Variants in LUZP1 observed in about 807,000 individuals in gnomAD.
The protein encoded by LUZP1 is leucine zipper protein 1, also known as filamin mechanobinding actin cross-linking protein.
In LUZP1, 25 loss-of-function variants were observed where a neutral mutation model predicts 71.3. That is an observed-to-expected ratio of 0.35 (90% confidence interval 0.26 to 0.49). The LOEUF (loss-of-function observed/expected upper bound fraction) is 0.49, where lower values mean the gene tolerates loss of function less well. LUZP1 is among the 20% of genes least tolerant of loss of function. The pLI is 0.99. For missense variants in LUZP1, 1,142 were observed against 1,300.8 expected (o/e 0.88, Z 1.88); for synonymous variants, 481 against 506.4 (o/e 0.95, Z 0.67).
exon 4 of LUZP1, chr1:23,091,854 C>T: frequency 6.2e-7 from 1 of 1,614,162 alleles, no homozygotes; most frequent in Non-Finnish European, 8.5e-7. Context: ...GGGGCTGCTG[C>T]TGTCAGATGG....
chr1:23,111,463 G>A (rs1335274107), intron 2 of LUZP1, among the ~76,000 whole-genome samples: 2 of 152,106 alleles, frequency 1.3e-5, no homozygotes, highest in African/African-American at 4.8e-5. Flanking sequence ...GGGAGACTGA[G>A]ACGGGAGGAT....
At chr1:23,120,893 C>T (rs1644124428) in intron 2 of LUZP1, among the ~76,000 whole-genome samples, 1 of 152,180 alleles carries the variant, frequency 6.6e-6, no homozygotes, top group Admixed American at 6.5e-5. Flanking sequence ...AACAAGAACA[C>T]CACCATCTCC....
At chr1:23,110,635 T>TAC (rs1553137224) in intron 2 of LUZP1, among the ~76,000 whole-genome samples, 4,557 of 41,852 alleles carry the variant, frequency 0.11, 228 homozygotes, top group Admixed American at 0.28. Flanking sequence ...CGCGCACACA[T>TAC]ACACACACAC....
intron 2 of LUZP1, among the ~76,000 whole-genome samples, chr1:23,151,643 A>AT (rs1644385760): frequency 6.6e-6 from 1 of 152,130 alleles, no homozygotes; most frequent in Non-Finnish European, 1.5e-5. Flanking sequence ...AACAGTACCT[A>AT]TTTCATGAGG....
At chr1:23,139,019 A>AAAAAAT (rs1317355746) in intron 2 of LUZP1, among the ~76,000 whole-genome samples, 94 of 59,938 alleles carry the variant, frequency 1.6e-3, no homozygotes, top group African/African-American at 1.8e-3. Flanking sequence ...AAAAAAAAAA[A>AAAAAAT]ATATATATAT....
chr1:23,115,321 CAA>C lies in LUZP1; in HGVS notation c.-225-6196_-225-6195del, dbSNP rs560850809. 3.9e-5 allele frequency among the ~76,000 whole-genome samples: 6 copies of C among 152,244 alleles called. 1 individual carries two copies. The South Asian group carries it at 1.2e-3, about 32-fold the overall frequency. On this transcript the variant is annotated intron_variant, in intron 2 of 4. Coordinates refer to ENST00000302291, the Ensembl canonical transcript of LUZP1. ...ACCTTTTTAGGAAGCTAGTAACAGACAAACAAAACTAGAATCCAGCAATCCCA... is the reference window on the plus strand; with the variant it reads ...ACCTTTTTAGGAAGCTAGTAACAGACACAAAACTAGAATCCAGCAATCCCA...
At chr1:23,143,792 C>G (rs1644323070) in intron 2 of LUZP1, among the ~76,000 whole-genome samples, 5 of 152,170 alleles carry the variant, frequency 3.3e-5, no homozygotes, top group Admixed American at 3.3e-4. Flanking sequence ...CTTCAAACAA[C>G]CCTAAGAACT....
chr1:23,158,035 T>G (rs547142977), intron 2 of LUZP1, among the ~76,000 whole-genome samples: 2 of 152,054 alleles, frequency 1.3e-5, no homozygotes. Context: ...GCAGTCATAA[T>G]ACCTTACAGT....
At chr1:23,102,902 TATTTC>T (rs765987707) in intron 3 of LUZP1, among the ~76,000 whole-genome samples, 19 of 152,320 alleles carry the variant, frequency 1.2e-4, no homozygotes, top group South Asian at 6.2e-4. Flanking sequence ...TTTTATTTTA[TATTTC>T]ATTTCATTTC....
At chr1:23,136,893 G>T (rs749097312) in intron 2 of LUZP1, among the ~76,000 whole-genome samples, 2 of 152,210 alleles carry the variant, frequency 1.3e-5, no homozygotes, top group African/African-American at 4.8e-5. Context: ...ACTCCAGCCT[G>T]GGCGACAGAG....
At position 23,093,936 on chromosome 1, in the gene LUZP1, T is replaced by C. The variant is rs768518468; in HGVS notation, c.326A>G (p.Glu109Gly). Reference sequence around the variant, plus strand: ...CATTCGTTTCTGAAGCCGCTCAATCTCAGATTTCAGCTCCCGGGTGAGGTT... The same window carrying C: ...CATTCGTTTCTGAAGCCGCTCAATCCCAGATTTCAGCTCCCGGGTGAGGTT... Residue 109 changes from glutamate to glycine, a missense_variant, in exon 4 of 5, where the codon GAG becomes GGG. Transcript: ENST00000302291. This position sits in a 1 kb window ranked among gnomAD's most constrained non-coding sequence, Gnocchi z 4.2. The C allele has an allele frequency of 6.2e-7, 1 of 1,614,220 alleles. No homozygotes were observed. The highest frequency in any genetic ancestry group is 1.6e-4 in the Middle Eastern group (1 of 6,062).
chr1:23,118,876 G>A (rs1384321142), intron 2 of LUZP1, among the ~76,000 whole-genome samples: 1 of 152,148 alleles, frequency 6.6e-6, no homozygotes, highest in East Asian at 1.9e-4. Context: ...CACTAGAACT[G>A]ATCACCTCTA....
At chr1:23,152,723 GT>G (rs553638548) in intron 2 of LUZP1, among the ~76,000 whole-genome samples, 279 of 152,146 alleles carry the variant, frequency 1.8e-3, no homozygotes, top group Middle Eastern at 6.8e-3. Flanking sequence ...TAGAGACAGG[GT>G]TTTGCCACGT....
intron 2 of LUZP1, among the ~76,000 whole-genome samples, chr1:23,112,644 C>A (rs1644043048): frequency 6.6e-6 from 1 of 152,180 alleles, no homozygotes; most frequent in Non-Finnish European, 1.5e-5. Context: ...CAAGGGCTGG[C>A]AGATTTTGAA....
chr1:23,161,062 G>C (rs2148204864), intron 2 of LUZP1, among the ~76,000 whole-genome samples: 1 of 152,190 alleles, frequency 6.6e-6, no homozygotes, highest in Non-Finnish European at 1.5e-5. Flanking sequence ...TAAGAGGAAA[G>C]GACAAAAGAT....
intron 3 of LUZP1, among the ~76,000 whole-genome samples, chr1:23,103,530 G>A (rs752007855): frequency 6.6e-6 from 1 of 151,824 alleles, no homozygotes; most frequent in African/African-American, 2.4e-5. Context: ...CTCAGCTTCC[G>A]TTCAAACACT....
intron 2 of LUZP1, among the ~76,000 whole-genome samples, chr1:23,145,650 A>C (rs1644337294): frequency 6.6e-6 from 1 of 151,630 alleles, no homozygotes; most frequent in Non-Finnish European, 1.5e-5. Flanking sequence ...TTGTATTTTT[A>C]GTAGAGACAG....
intron 2 of LUZP1, among the ~76,000 whole-genome samples, chr1:23,116,153 G>C (rs2124653394): frequency 6.6e-6 from 1 of 152,262 alleles, no homozygotes; most frequent in South Asian, 2.1e-4. Context: ...GGCTGAGATG[G>C]GAGGATCACT....
chr1:23,142,905 C>A (rs1326307091), intron 2 of LUZP1, among the ~76,000 whole-genome samples: 1 of 151,628 alleles, frequency 6.6e-6, no homozygotes, highest in Non-Finnish European at 1.5e-5. Context: ...GTGGCTCATA[C>A]CTATAATCCT....
Sources: allele counts gnomAD v4.1 joint callset (sites outside exome capture counted in the v4.1 genomes callset), GRCh38; gene constraint gnomAD v4.1.1; non-coding constraint Gnocchi (gnomAD v3.1); transcripts MANE v1.5; gene names NCBI Gene and HGNC (gene_info 2026-07-23, HGNC 2026-07-21).